TENM4: variants seen among roughly 807,000 people sequenced by gnomAD.
The protein encoded by TENM4 is teneurin transmembrane protein 4, also known as teneurin-4.
A neutral mutation model predicts 243.3 loss-of-function variants in TENM4; 82 were observed. The ratio of observed to expected loss-of-function variants is 0.34; its 90% CI spans 0.28 to 0.40. TENM4 has a LOEUF of 0.40. Ranked by LOEUF, TENM4 falls within the 10% of genes least tolerant of loss-of-function variation. The pLI is 1.00. For missense variants in TENM4, 3,138 were observed against 3,673.3 expected, an observed-to-expected ratio of 0.85 and a Z score of 3.77; for synonymous variants, 1,412 against 1,456.3, an observed-to-expected ratio of 0.97 and a Z score of 0.69.
intron 3 of TENM4, among the ~76,000 whole-genome samples, chr11:79,209,038 C>T (rs1175725994): frequency 6.6e-6 from 1 of 152,120 alleles, no homozygotes; most frequent in African/African-American, 2.4e-5. Context: ...GTGCAATTAG[C>T]AACAGGAAGC....
intron 18 of TENM4, among the ~76,000 whole-genome samples, chr11:78,768,481 A>G (rs1384009295): frequency 6.6e-6 from 1 of 152,210 alleles, no homozygotes; most frequent in Admixed American, 6.5e-5. Context: ...CTGCATTGCA[A>G]TTACTTGCTG....
At chr11:78,730,875 C>T (rs1327369594) in intron 21 of TENM4, among the ~76,000 whole-genome samples, 1 of 152,180 alleles carries the variant, frequency 6.6e-6, no homozygotes, top group Non-Finnish European at 1.5e-5. Context: ...TCCTAAACTA[C>T]AGCTTATAAG....
At chr11:79,348,619 T>C (rs1169224889) in intron 1 of TENM4, among the ~76,000 whole-genome samples, 1 of 152,168 alleles carries the variant, frequency 6.6e-6, no homozygotes, top group Non-Finnish European at 1.5e-5. Context: ...ATGGTATTAG[T>C]GGTTTCATAA....
chr11:78,743,246 T>A (rs1223218254), intron 19 of TENM4, among the ~76,000 whole-genome samples: 2 of 152,158 alleles, frequency 1.3e-5, no homozygotes, highest in Admixed American at 6.5e-5. Flanking sequence ...CTACTCCTCA[T>A]GAACTCTGAG....
Position 78,670,128 on chromosome 11 carries a change from C to T in TENM4, c.6217G>A (p.Glu2073Lys), listed in dbSNP as rs775188994. 4.3e-6 allele frequency: 7 copies of T among 1,613,964 alleles called. No individual in the cohort carries two copies. Among genetic ancestry groups the T allele is most frequent in the East Asian group, 2.2e-5 (1 of 44,876 alleles). The part of the protein sequence containing the change: ...LIDRQIFRFT[E>K]EGMVNARFDY... ...AAACGGGCGTTGACCATGCCTTCCT[C>T]AGTGAAGCGGAAGATCTGTCGGTCA... Residue 2073 changes from glutamate to lysine, a missense_variant, in exon 32 of 34, where the codon GAG (glutamate) becomes AAG (lysine). Physicochemically the swap from Glu to Lys is moderately conservative, Grantham distance 56 (BLOSUM62 1). Coordinates refer to ENST00000278550, the MANE Select transcript of TENM4 (RefSeq NM_001098816.3).
rs147783403 is a variant in TENM4, at chr11:78,828,868, C to T, written c.1682-14473G>A. On this transcript the variant is annotated intron_variant, in intron 12 of 33. Transcript: ENST00000278550. ...CTTTGGCAGCAGCAGGACTTTAAGC[C>T]ACCACTGGATGAAGTTATAATACAA... is the stretch of plus-strand genomic sequence containing the variant. Among the ~76,000 whole-genome samples, 1,297 of 152,366 alleles carry T rather than the reference C, an allele frequency of 8.5e-3. 8 individuals are homozygous for T. The highest frequency in any genetic ancestry group is 0.024 in the Middle Eastern group (7 of 294).
intron 14 of TENM4, among the ~76,000 whole-genome samples, chr11:78,807,745 G>A (rs749806444): frequency 8.5e-5 from 13 of 152,148 alleles, no homozygotes; most frequent in Non-Finnish European, 1.6e-4. Flanking sequence ...TGATGAGTAT[G>A]GTCAGGCCCC....
intron 1 of TENM4, among the ~76,000 whole-genome samples, chr11:79,298,223 C>T (rs1424037687): frequency 6.6e-6 from 1 of 152,090 alleles, no homozygotes; most frequent in African/African-American, 2.4e-5. Flanking sequence ...CTGGTCTTTC[C>T]CTAGTCTAGG....
At chr11:79,032,206 G>T (rs1261758175) in intron 6 of TENM4, among the ~76,000 whole-genome samples, 1 of 152,140 alleles carries the variant, frequency 6.6e-6, no homozygotes, top group African/African-American at 2.4e-5. Context: ...AGGCCAATGG[G>T]AACACAATCC....
chr11:79,185,309 T>TACA (rs368899635), intron 3 of TENM4, among the ~76,000 whole-genome samples: 131 of 151,012 alleles, frequency 8.7e-4, no homozygotes, highest in African/African-American at 1.9e-3. Context: ...CACAAAAAAC[T>TACA]ACAACAACAA....
At position 78,995,412 on chromosome 11, in the gene TENM4, G is replaced by A. The variant is rs560178388; in HGVS notation, c.493+69326C>T. On this transcript the variant is annotated intron_variant, in intron 6 of 33. Transcript: ENST00000278550. ...GTCCTTGACATCTCCCAGCTGGCAG[G>A]GAAAGTACTGAGTACTCAAAAGGGG... Among the ~76,000 whole-genome samples the A allele has an allele frequency of 5.9e-5, 9 of 152,232 alleles. No homozygotes were observed. In the East Asian group the frequency reaches 1.7e-3, roughly 29 times the overall value.
chr11:79,323,121 C>T (rs1029115511), intron 1 of TENM4, among the ~76,000 whole-genome samples: 1 of 152,226 alleles, frequency 6.6e-6, no homozygotes, highest in Non-Finnish European at 1.5e-5. Flanking sequence ...CCACAAAGCA[C>T]AGTTCCACAC....
chr11:78,795,165 C>T (rs189655889), intron 15 of TENM4, among the ~76,000 whole-genome samples: 34 of 152,318 alleles, frequency 2.2e-4, no homozygotes, highest in African/African-American at 8.2e-4. Context: ...CTCCCGGCAG[C>T]TGGAAGGAGT....
chr11:78,657,935 T>A lies in TENM4; in HGVS notation c.*123A>T. The A allele has an allele frequency of 6.9e-7, 1 of 1,452,506 alleles. No homozygotes were observed. The highest frequency in any genetic ancestry group is 9.6e-7 in the Non-Finnish European group (1 of 1,039,814). 90.0% of individuals were successfully genotyped at this position (1,452,506 alleles called of 1,614,324 possible). On this transcript the variant is annotated 3_prime_UTR_variant, in exon 34 of 34. Transcript: ENST00000278550. The stretch of plus-strand genomic sequence containing the variant: ...AAAAAGGATGTTGCATGAGTTACAA[T>A]GCAACCAGTATCTTTTTGTTTCTGC...
intron 4 of TENM4, among the ~76,000 whole-genome samples, chr11:79,129,627 T>C (rs537316859): frequency 2.4e-4 from 36 of 152,168 alleles, no homozygotes; most frequent in African/African-American, 8.7e-4. Flanking sequence ...CCAGCTTCCC[T>C]GACAACTTGC....
At chr11:79,019,014 C>A (rs954419979) in intron 6 of TENM4, among the ~76,000 whole-genome samples, 1 of 152,182 alleles carries the variant, frequency 6.6e-6, no homozygotes, top group Non-Finnish European at 1.5e-5. Context: ...CTGGGGGACT[C>A]CCTATTCCAT....
In TENM4 at chr11:79,344,797, C is replaced by G. The variant is rs748611434; in HGVS notation, c.-320-47254G>C. Among the ~76,000 whole-genome samples, 72 of 152,150 alleles carry G rather than the reference C, an allele frequency of 4.7e-4. 2 individuals are homozygous for G. The highest frequency in any genetic ancestry group is 1.0e-4 in the Non-Finnish European group (7 of 68,026). On this transcript the variant is annotated intron_variant, in intron 1 of 33. Transcript: ENST00000278550. ...TACCTAAATTTTCTACCTAAATTGC[C>G]AAGACAAATATTTCAGGAAACTGCA...
chr11:78,656,852 T>C lies in TENM4; in HGVS notation c.*1206A>G, dbSNP rs1030698846. ...TCCAGCTCTGCGATCAGCTGGTACA[T>C]GGAGGCAGATGGGACTTTGGGAACT... is the stretch of plus-strand genomic sequence containing the variant. On this transcript the variant is annotated 3_prime_UTR_variant, in exon 34 of 34. Coordinates refer to ENST00000278550, the MANE Select transcript of TENM4 (RefSeq NM_001098816.3). 5 of 395,510 alleles carry C rather than the reference T, an allele frequency of 1.3e-5. No homozygotes were observed. The highest frequency in any genetic ancestry group is 2.2e-5 in the Non-Finnish European group (5 of 224,708). 24.5% of individuals were successfully genotyped at this position (395,510 alleles called of 1,614,324 possible).
intron 3 of TENM4, among the ~76,000 whole-genome samples, chr11:79,155,355 C>CT (rs553666524): frequency 0.016 from 2,197 of 140,544 alleles, 23 homozygotes; most frequent in East Asian, 0.025. Flanking sequence ...CTCTCTCTCT[C>CT]TTTTTTTTTT....
Sources: gnomAD v4.1 joint callset for allele counts (sites outside exome capture counted in the v4.1 genomes callset) on GRCh38, gnomAD v4.1.1 for gene constraint, MANE v1.5 for transcripts, NCBI Gene and HGNC (gene_info 2026-07-23, HGNC 2026-07-21) for gene names.